The following OTUD7B variants were observed in gnomAD, a reference collection of about 807,000 sequenced individuals.
OTUD7B encodes OTU deubiquitinase 7B.
A neutral mutation model predicts 82.2 loss-of-function variants in OTUD7B; 34 were observed. The observed-to-expected ratio is 0.41, with a 90% CI of 0.31 to 0.55. The LOEUF (loss-of-function observed/expected upper bound fraction) is 0.55. OTUD7B is among the 20% of genes least tolerant of loss of function. The pLI is 0.20. For missense variants in OTUD7B, 944 were observed against 1,062.1 expected (o/e 0.89, Z 1.55); for synonymous variants, 398 against 402.7 (o/e 0.99, Z 0.14).
the OTUD7B span, among the ~76,000 whole-genome samples, chr1:150,025,239 T>A: frequency 1.3e-5 from 2 of 151,782 alleles, no homozygotes; most frequent in Non-Finnish European, 2.9e-5. Context: ...CTAACCAACA[T>A]GGAGAAACCC....
rs1553770320 is a variant in OTUD7B at position 149,941,029 on chromosome 1, TTTC to T, written c.*2825_*2827del. ...CCTCCCAAATAAAAAAAATAATTTA[TTTC>T]TTAATAAAAAGCTATAAGGCCTAAA... On this transcript the variant is annotated 3_prime_UTR_variant, in exon 12 of 12. Transcript: ENST00000581312. 6.6e-6 allele frequency: 1 copy of T among 152,194 alleles called. No homozygotes were observed. Among genetic ancestry groups the T allele is most frequent in the South Asian group, 2.1e-4 (1 of 4,834 alleles). 9.4% of individuals were successfully genotyped at this position (152,194 alleles called of 1,614,324 possible). A position where few individuals can be genotyped will look rare whatever the true frequency, so the allele number is the denominator to read the frequency against.
At position 149,992,467 on chromosome 1, in the gene OTUD7B, GTT is replaced by G. The variant is rs1166098299; in HGVS notation, c.-66-14893_-66-14892del. 1.9e-3 allele frequency among the ~76,000 whole-genome samples: 119 copies of G among 61,560 alleles called. 1 individual carries two copies. The highest frequency in any genetic ancestry group is 7.2e-3 in the African/African-American group (108 of 14,918). The allele number at this position is 61,560 out of a possible 152,430, so 40.4% of individuals were successfully genotyped here. A position where few individuals can be genotyped will look rare whatever the true frequency, so the allele number is the denominator to read the frequency against. ...TATCTAAATTGTTTTGTGTGCATGT[GTT>G]TTTTTTTTTTTTTTTTTTTTTTTTA... On this transcript the variant is annotated intron_variant, in intron 1 of 11. Coordinates refer to ENST00000581312, the MANE Select transcript of OTUD7B (RefSeq NM_020205.4).
At chr1:150,038,441 C>T in the OTUD7B span, among the ~76,000 whole-genome samples, 3 of 151,856 alleles carry the variant, frequency 2.0e-5, no homozygotes, top group Non-Finnish European at 4.4e-5. Flanking sequence ...GGCTGGAGTG[C>T]TGTGGCATGA....
intron 2 of OTUD7B, among the ~76,000 whole-genome samples, chr1:149,974,166 G>A (rs587646723): frequency 1.3e-5 from 2 of 152,182 alleles, no homozygotes; most frequent in South Asian, 4.1e-4. Context: ...CCTGGGTTCA[G>A]GCGATTCTCA....
At chr1:149,994,073 C>G (rs1290260124) in intron 1 of OTUD7B, among the ~76,000 whole-genome samples, 1 of 152,168 alleles carries the variant, frequency 6.6e-6, no homozygotes, top group Non-Finnish European at 1.5e-5. Flanking sequence ...CCATTGTGTT[C>G]TGAGCCTTCT....
At chr1:149,955,770 T>A (rs1197051641) in intron 7 of OTUD7B, among the ~76,000 whole-genome samples, 1 of 152,218 alleles carries the variant, frequency 6.6e-6, no homozygotes, top group Admixed American at 6.5e-5. Flanking sequence ...TCCTGTTGAA[T>A]TGATCCCTTT....
chr1:150,004,556 C>A lies in OTUD7B; in HGVS notation c.-67+5892G>T, dbSNP rs911397150. 6.6e-5 allele frequency among the ~76,000 whole-genome samples: 10 copies of A among 151,502 alleles called. No homozygotes were observed. In the East Asian group the frequency reaches 1.9e-3, roughly 29 times the overall value. ...GCCTGAGCTGGACAACAGAGCAAGA[C>A]CCTGTCTCAAAAAAATAAATAAATA... On this transcript the variant is annotated intron_variant, in intron 1 of 11. Coordinates refer to ENST00000581312, the MANE Select transcript of OTUD7B (RefSeq NM_020205.4).
intron 1 of OTUD7B, among the ~76,000 whole-genome samples, chr1:150,005,105 C>A (rs1443635253): frequency 6.6e-6 from 1 of 152,096 alleles, no homozygotes; most frequent in African/African-American, 2.4e-5. Flanking sequence ...CCCCAAATAC[C>A]TACGGTATGA....
chr1:149,995,489 G>A (rs1228214178), intron 1 of OTUD7B, among the ~76,000 whole-genome samples: 1 of 151,992 alleles, frequency 6.6e-6, no homozygotes. Context: ...TGAGCCAGGG[G>A]AATCGCTTGA....
At chr1:150,021,261 G>A in the OTUD7B span, among the ~76,000 whole-genome samples, 11 of 152,180 alleles carry the variant, frequency 7.2e-5, no homozygotes, top group African/African-American at 2.4e-4. Flanking sequence ...GGCTTTTGAC[G>A]TCTGTTTTTT....
rs1176045087 is a variant in OTUD7B, at chr1:149,940,356, T to C, written c.*3501A>G. ...CTTTGGATATAATCTTTTTATTTTGTTGATAAAAACCAGTATGGAGGAAAA... is the reference window on the plus strand; with the variant it reads ...CTTTGGATATAATCTTTTTATTTTGCTGATAAAAACCAGTATGGAGGAAAA... On this transcript the variant is annotated 3_prime_UTR_variant, in exon 12 of 12. Transcript: ENST00000581312. The C allele has an allele frequency of 6.6e-6, 1 of 152,252 alleles. No individual in the cohort carries two copies. Among genetic ancestry groups the C allele is most frequent in the Non-Finnish European group, 1.5e-5 (1 of 68,044 alleles). The allele number at this position is 152,252 out of a possible 1,614,324, so 9.4% of individuals were successfully genotyped here. A position where few individuals can be genotyped will look rare whatever the true frequency, so the allele number is the denominator to read the frequency against.
At chr1:150,030,957 G>A in the OTUD7B span, among the ~76,000 whole-genome samples, 1 of 152,086 alleles carries the variant, frequency 6.6e-6, no homozygotes, top group Admixed American at 6.5e-5. Flanking sequence ...ATTTTTAGTA[G>A]AGACAGGGTT....
Position 149,944,285 on chromosome 1 carries a change from A to ACGG in OTUD7B, c.2101_2103dup (p.Pro701dup). The stretch of plus-strand genomic sequence containing the variant: ...TCCTGGCAGTGGACTCCGCCCCCAG[A>ACGG]CGGCCGAGGGATAGTAAAGTCCCCA... On this transcript the variant is annotated inframe_insertion, in exon 12 of 12. Coordinates refer to ENST00000581312, the MANE Select transcript of OTUD7B (RefSeq NM_020205.4). The ACGG allele has an allele frequency of 6.2e-7, 1 of 1,610,334 alleles. No homozygotes were observed. Among genetic ancestry groups the ACGG allele is most frequent in the Non-Finnish European group, 8.5e-7 (1 of 1,177,782 alleles).
intron 1 of OTUD7B, among the ~76,000 whole-genome samples, chr1:150,006,747 C>G (rs1652699371): frequency 6.6e-6 from 1 of 152,182 alleles, no homozygotes; most frequent in South Asian, 2.1e-4. Context: ...TTGAGACTTC[C>G]CCACAGGTTG....
At position 149,947,353 on chromosome 1, in the gene OTUD7B, A is replaced by G; in HGVS notation, c.1239-18T>C. 6.9e-7 allele frequency: 1 copy of G among 1,457,426 alleles called. No homozygotes were observed. The highest frequency in any genetic ancestry group is 9.6e-7 in the Non-Finnish European group (1 of 1,037,870). 90.3% of individuals were successfully genotyped at this position (1,457,426 alleles called of 1,614,324 possible). ...GAATTACACTATGAAAAAGAGAAAA[A>G]ACAAATTACTGTCACCTTTTAAAAG... On this transcript the variant is annotated intron_variant, in intron 10 of 11. Coordinates refer to ENST00000581312, the MANE Select transcript of OTUD7B (RefSeq NM_020205.4).
chr1:150,055,306 G>A, the OTUD7B span, among the ~76,000 whole-genome samples: 3,321 of 152,154 alleles, frequency 0.022, 112 homozygotes, highest in African/African-American at 0.073. Context: ...CCAAAGTGCT[G>A]GGATTACAGG....
In OTUD7B at chr1:149,944,034, T is replaced by C; in HGVS notation, c.2355A>G (p.Pro785=). Residue 785 remains proline (P), a synonymous_variant, in exon 12 of 12, where the codon CCA becomes CCG. Coordinates refer to ENST00000581312, the MANE Select transcript of OTUD7B (RefSeq NM_020205.4). ...CCCGGAGACCTCCAGCCCATCCATC[T>C]GGCTCAGGGGGCTCTCTGTAGCCAT... is the stretch of plus-strand genomic sequence containing the variant. ...YSNGYREPPE[P]DGWAGGLRGL... is the part of the protein sequence containing the mutation. The C allele has an allele frequency of 1.2e-6, 2 of 1,614,234 alleles. No individual in the cohort carries two copies. Among genetic ancestry groups the C allele is most frequent in the Non-Finnish European group, 1.7e-6 (2 of 1,180,036 alleles).
At chr1:150,061,655 GC>G in the OTUD7B span, among the ~76,000 whole-genome samples, 1 of 152,214 alleles carries the variant, frequency 6.6e-6, no homozygotes, top group African/African-American at 2.4e-5. Flanking sequence ...CTGCCCAGGG[GC>G]TCTGGCTGCC....
intron 2 of OTUD7B, among the ~76,000 whole-genome samples, chr1:149,971,667 C>A (rs1051436271): frequency 6.6e-6 from 1 of 152,186 alleles, no homozygotes; most frequent in Non-Finnish European, 1.5e-5. Flanking sequence ...CCTACATGTA[C>A]TCTAGTGTGT....
Sources: gnomAD v4.1 joint callset for allele counts (sites outside exome capture counted in the v4.1 genomes callset) on GRCh38, gnomAD v4.1.1 for gene constraint, MANE v1.5 for transcripts, NCBI Gene and HGNC (gene_info 2026-07-23, HGNC 2026-07-21) for gene names.